SH3PXD2A: variants seen among roughly 807,000 people sequenced by gnomAD.
SH3PXD2A encodes SH3 and PX domain-containing protein 2A.
Under a neutral mutation model 115.2 loss-of-function variants are expected in SH3PXD2A, and 32 were observed. That is an observed-to-expected ratio of 0.28 (90% confidence interval 0.21 to 0.37). SH3PXD2A has a LOEUF of 0.37. SH3PXD2A is among the 10% of genes least tolerant of loss of function. The probability of loss-of-function intolerance (pLI) is 1.00; values close to 1 mark genes in which losing one functional copy is unlikely to be tolerated. For synonymous variants in SH3PXD2A, 610 were observed against 629.1 expected (o/e 0.97, Z 0.45); for missense variants, 1,328 against 1,498.7 (o/e 0.89, Z 1.88).
intron 2 of SH3PXD2A, among the ~76,000 whole-genome samples, chr10:103,792,874 G>A (rs1397771996): frequency 6.6e-6 from 1 of 152,162 alleles, no homozygotes; most frequent in East Asian, 1.9e-4. Flanking sequence ...TGGTTGTAAT[G>A]GGATCTAACC....
intron 8 of SH3PXD2A, among the ~76,000 whole-genome samples, chr10:103,638,372 C>T (rs917715736): frequency 3.9e-5 from 6 of 152,350 alleles, no homozygotes; most frequent in Admixed American, 3.3e-4. Context: ...CCCACCTCAC[C>T]GAACAGGCCC....
intron 5 of SH3PXD2A, among the ~76,000 whole-genome samples, chr10:103,717,656 CG>C (rs2038121746): frequency 6.6e-6 from 1 of 152,208 alleles, no homozygotes; most frequent in Non-Finnish European, 1.5e-5. Context: ...TCCTAGCGTT[CG>C]TTTCAAAGAC....
chr10:103,726,766 T>C (rs2038246219), intron 4 of SH3PXD2A, among the ~76,000 whole-genome samples: 1 of 152,124 alleles, frequency 6.6e-6, no homozygotes, highest in Non-Finnish European at 1.5e-5. Context: ...TAGATAACAA[T>C]TGAAGTGTGC....
chr10:103,686,778 C>T (rs970572383), intron 6 of SH3PXD2A, among the ~76,000 whole-genome samples: 36 of 144,548 alleles, frequency 2.5e-4, no homozygotes, highest in African/African-American at 9.3e-4. Context: ...GACAGAGCCT[C>T]GCTCTGTTGC....
At chr10:103,703,049 G>T (rs2037939120) in intron 5 of SH3PXD2A, among the ~76,000 whole-genome samples, 1 of 152,198 alleles carries the variant, frequency 6.6e-6, no homozygotes, top group Admixed American at 6.5e-5. Context: ...CCCTGGCCTA[G>T]TTTCGACCTG....
intron 1 of SH3PXD2A, among the ~76,000 whole-genome samples, chr10:103,829,846 A>T (rs2039467868): frequency 6.6e-6 from 1 of 152,280 alleles, no homozygotes; most frequent in Non-Finnish European, 1.5e-5. Flanking sequence ...GTCGGGTTGC[A>T]TTAGGTAGGA....
At chr10:103,690,470 T>G (rs2037736630) in intron 6 of SH3PXD2A, among the ~76,000 whole-genome samples, 2 of 152,128 alleles carry the variant, frequency 1.3e-5, no homozygotes, top group South Asian at 4.1e-4. Context: ...CGGCAGAGAC[T>G]AAGGGAAGAG....
intron 6 of SH3PXD2A, among the ~76,000 whole-genome samples, chr10:103,685,676 C>T (rs2037668831): frequency 6.6e-6 from 1 of 152,218 alleles, no homozygotes; most frequent in Admixed American, 6.5e-5. Context: ...GGAACTTTCA[C>T]TCAATCCTCA....
intron 5 of SH3PXD2A, among the ~76,000 whole-genome samples, chr10:103,711,437 C>T (rs2038045390): frequency 6.6e-6 from 1 of 152,180 alleles, no homozygotes; most frequent in African/African-American, 2.4e-5. Context: ...AAAGTGAACA[C>T]CCAGCTGGGC....
intron 3 of SH3PXD2A, among the ~76,000 whole-genome samples, chr10:103,739,402 C>T (rs1237279830): frequency 6.6e-6 from 1 of 152,186 alleles, no homozygotes. Context: ...GAAATCCTGA[C>T]AGGAGCAACG....
chr10:103,597,450 A>G lies in SH3PXD2A; in HGVS notation c.*4366T>C, dbSNP rs1348432879. ...GTCTCTCTGAGCAGCTGGCTGCACC[A>G]CAACAGAAATCAAAACAAGGAACAG... On this transcript the variant is annotated 3_prime_UTR_variant, in exon 15 of 15. Coordinates refer to ENST00000369774, the MANE Select transcript of SH3PXD2A (RefSeq NM_001394015.1). 6.6e-6 allele frequency: 1 copy of G among 152,290 alleles called. No individual in the cohort carries two copies. The highest frequency in any genetic ancestry group is 1.5e-5 in the Non-Finnish European group (1 of 68,124). 9.4% of individuals were successfully genotyped at this position (152,290 alleles called of 1,614,324 possible).
chr10:103,633,512 G>A (rs920227114), intron 8 of SH3PXD2A, among the ~76,000 whole-genome samples: 6 of 151,546 alleles, frequency 4.0e-5, no homozygotes, highest in African/African-American at 9.7e-5. Context: ...GATCACTTGA[G>A]GTCAGGAGTT....
At chr10:103,724,686 A>G (rs2038219894) in intron 4 of SH3PXD2A, among the ~76,000 whole-genome samples, 1 of 152,004 alleles carries the variant, frequency 6.6e-6, no homozygotes, top group Non-Finnish European at 1.5e-5. Flanking sequence ...GAAAACCCCT[A>G]ACCAGTTATC....
intron 2 of SH3PXD2A, among the ~76,000 whole-genome samples, chr10:103,782,963 G>A (rs147541213): frequency 0.01 from 1,568 of 151,584 alleles, 30 homozygotes; most frequent in African/African-American, 0.036. Context: ...TTCTATGAGA[G>A]GTGCCATGTG....
At chr10:103,662,505 T>C (rs2037327363) in intron 7 of SH3PXD2A, among the ~76,000 whole-genome samples, 2 of 142,644 alleles carry the variant, frequency 1.4e-5, no homozygotes, top group Admixed American at 1.5e-4. Flanking sequence ...GTTCACGCCA[T>C]TCTCCTGCCT....
intron 6 of SH3PXD2A, among the ~76,000 whole-genome samples, chr10:103,671,505 C>T (rs549750063): frequency 7.0e-4 from 107 of 152,292 alleles, no homozygotes; most frequent in African/African-American, 2.5e-3. Context: ...CTCTCTAAAA[C>T]ATGATTTATT....
intron 8 of SH3PXD2A, among the ~76,000 whole-genome samples, chr10:103,655,580 T>G (rs1404340498): frequency 6.6e-6 from 1 of 151,898 alleles, no homozygotes; most frequent in Non-Finnish European, 1.5e-5. Flanking sequence ...CAAGACCAGC[T>G]TGACCAACTT....
intron 6 of SH3PXD2A, among the ~76,000 whole-genome samples, chr10:103,674,574 T>G (rs2037503835): frequency 6.6e-6 from 1 of 152,274 alleles, no homozygotes; most frequent in African/African-American, 2.4e-5. Context: ...GTAATCCTAG[T>G]GCTTTGGGAG....
In SH3PXD2A at chr10:103,836,878, G is replaced by A. The variant is rs764673810; in HGVS notation, c.72+18317C>T. Among the ~76,000 whole-genome samples the A allele has an allele frequency of 7.9e-5, 12 of 152,330 alleles. No individual in the cohort carries two copies. In the South Asian group the frequency reaches 2.3e-3, roughly 29 times the overall value. On this transcript the variant is annotated intron_variant, in intron 1 of 14. Coordinates refer to ENST00000369774, the MANE Select transcript of SH3PXD2A (RefSeq NM_001394015.1). ...GAATTTTACTACAAACAAGCAGAGC[G>A]TCTTGCTCATATATGTCACCTTGCA...
Sources: allele counts gnomAD v4.1 joint callset (sites outside exome capture counted in the v4.1 genomes callset), GRCh38; gene constraint gnomAD v4.1.1; transcripts MANE v1.5; gene names NCBI Gene and HGNC (gene_info 2026-07-23, HGNC 2026-07-21).